Variants in TASP1 observed in about 807,000 individuals in gnomAD.
TASP1 encodes taspase 1.
TASP1 carries 16 observed loss-of-function variants against 56.6 expected under a neutral mutation model. That is an observed-to-expected ratio of 0.28 (90% CI 0.19 to 0.43). The LOEUF (loss-of-function observed/expected upper bound fraction) is 0.43, where lower values mean the gene tolerates loss of function less well. TASP1 is among the 20% of genes least tolerant of loss of function. TASP1 has a pLI of 1.00. For synonymous variants in TASP1, 179 were observed against 184.2 expected, an observed-to-expected ratio of 0.97 and a Z score of 0.23; for missense variants, 393 against 511.6, an observed-to-expected ratio of 0.77 and a Z score of 2.24.
At chr20:13,110,559 A>C in the TASP1 span, among the ~76,000 whole-genome samples, 1 of 151,908 alleles carries the variant, frequency 6.6e-6, no homozygotes. Context: ...AGATCAAAAC[A>C]CTCCTTGCCT....
chr20:13,484,733 C>CAAAAAAAAAAAA (rs34720600), intron 10 of TASP1, among the ~76,000 whole-genome samples: 1 of 81,156 alleles, frequency 1.2e-5, no homozygotes, highest in African/African-American at 4.4e-5. Flanking sequence ...CAAGATTTCT[C>CAAAAAAAAAAAA]AAAAAAAAAA....
At chr20:13,334,169 C>A in the TASP1 span, among the ~76,000 whole-genome samples, 1 of 152,118 alleles carries the variant, frequency 6.6e-6, no homozygotes, top group Non-Finnish European at 1.5e-5. Context: ...ATGGAAGTCA[C>A]AGGTTTGAGG....
intron 4 of TASP1, among the ~76,000 whole-genome samples, chr20:13,598,216 C>T (rs565732279): frequency 2.6e-5 from 4 of 152,270 alleles, no homozygotes; most frequent in African/African-American, 9.6e-5. Context: ...AAAGAGCCTG[C>T]ATTGCCAAGA....
At chr20:13,260,584 C>T in the TASP1 span, among the ~76,000 whole-genome samples, 1 of 150,924 alleles carries the variant, frequency 6.6e-6, no homozygotes, top group African/African-American at 2.4e-5. Context: ...ATGTTTTCAG[C>T]ATTTGGAATA....
the TASP1 span, among the ~76,000 whole-genome samples, chr20:13,330,877 T>C: frequency 6.6e-6 from 1 of 152,172 alleles, no homozygotes; most frequent in Admixed American, 6.5e-5. Flanking sequence ...ATTAGTAATG[T>C]TTGTCTTCTC....
At chr20:13,540,535 C>T (rs1051502736) in intron 8 of TASP1, among the ~76,000 whole-genome samples, 1 of 152,066 alleles carries the variant, frequency 6.6e-6, no homozygotes, top group South Asian at 2.1e-4. Context: ...ATGATATTGT[C>T]AATACTGGAA....
At position 13,627,733 on chromosome 20, in the gene TASP1, T is replaced by TAAAAAAAAAAAAAA. The variant is rs35542097; in HGVS notation, c.145+2187_145+2200dup. Among the ~76,000 whole-genome samples, 46 of 119,480 alleles carry TAAAAAAAAAAAAAA rather than the reference T, an allele frequency of 3.9e-4. 2 individuals carry two copies. Among genetic ancestry groups the TAAAAAAAAAAAAAA allele is most frequent in the African/African-American group, 1.5e-3 (39 of 25,258 alleles). 78.4% of individuals were successfully genotyped at this position (119,480 alleles called of 152,430 possible). ...GGGCAACAAGAGCGAAACTTAGTCT[T>TAAAAAAAAAAAAAA]AAAAAAAAAAAAAAAAGTTGAGCCA... On this transcript the variant is annotated intron_variant, in intron 2 of 13. Transcript: ENST00000337743.
At chr20:13,316,939 A>G in the TASP1 span, among the ~76,000 whole-genome samples, 1 of 151,908 alleles carries the variant, frequency 6.6e-6, no homozygotes, top group African/African-American at 2.4e-5. Context: ...ATCTAATGCA[A>G]TAAGACAAGA....
the TASP1 span, among the ~76,000 whole-genome samples, chr20:13,236,344 G>C: frequency 6.6e-6 from 1 of 152,174 alleles, no homozygotes; most frequent in Non-Finnish European, 1.5e-5. Context: ...CATTGAGTTA[G>C]CATGGGAAAG....
chr20:13,255,267 GA>G, the TASP1 span, among the ~76,000 whole-genome samples: 1 of 151,992 alleles, frequency 6.6e-6, no homozygotes, highest in Non-Finnish European at 1.5e-5. Flanking sequence ...AGAGGAATTT[GA>G]AAAAATGGAT....
intron 7 of TASP1, among the ~76,000 whole-genome samples, chr20:13,560,150 T>C (rs1185775491): frequency 6.6e-6 from 1 of 152,170 alleles, no homozygotes; most frequent in Non-Finnish European, 1.5e-5. Context: ...ATCCAGCTGA[T>C]AAGAGAAATT....
At chr20:13,248,144 C>G in the TASP1 span, among the ~76,000 whole-genome samples, 1 of 152,182 alleles carries the variant, frequency 6.6e-6, no homozygotes, top group African/African-American at 2.4e-5. Flanking sequence ...GTTGTGGCTG[C>G]CCGATTCATA....
At chr20:13,590,562 GA>G (rs577515398) in intron 4 of TASP1, among the ~76,000 whole-genome samples, 23 of 152,078 alleles carry the variant, frequency 1.5e-4, no homozygotes, top group African/African-American at 5.5e-4. Flanking sequence ...AAGAAGGAAA[GA>G]AAACACAACT....
intron 4 of TASP1, among the ~76,000 whole-genome samples, chr20:13,619,858 C>T (rs964375063): frequency 3.9e-5 from 6 of 152,126 alleles, no homozygotes; most frequent in Non-Finnish European, 8.8e-5. Context: ...AGGAATGAAT[C>T]GATTTACCAA....
chr20:13,162,188 A>C, the TASP1 span, among the ~76,000 whole-genome samples: 1 of 152,234 alleles, frequency 6.6e-6, no homozygotes, highest in South Asian at 2.1e-4. Flanking sequence ...GAGCATGTTT[A>C]CACATTAAGG....
At chr20:13,376,285 C>T in the TASP1 span, among the ~76,000 whole-genome samples, 1 of 152,142 alleles carries the variant, frequency 6.6e-6, no homozygotes, top group African/African-American at 2.4e-5. Context: ...TTTCAGTTTT[C>T]TGTATATGAC....
chr20:13,390,410 A>C lies in TASP1; in HGVS notation c.1213T>G (p.Ser405Ala). ...RLPPGAVAGQ[S>A]VAIEGGVCRL... is the part of the protein sequence containing the mutation. ...CACACCCCACCTTCGATTGCCACAG[A>C]CTGTCCTGCCACCGCACCAGGAGGA... The change falls in exon 14 of 14, where the codon TCT becomes GCT. Residue 405 changes from serine (S) to alanine (A), a missense_variant. Ser to Ala is a moderately conservative substitution (Grantham distance 99). Transcript: ENST00000337743. 1.9e-6 allele frequency: 3 copies of C among 1,613,938 alleles called. No homozygotes were observed. Among genetic ancestry groups the C allele is most frequent in the Non-Finnish European group, 1.7e-6 (2 of 1,179,926 alleles).
chr20:13,175,484 A>C, the TASP1 span, among the ~76,000 whole-genome samples: 3 of 152,228 alleles, frequency 2.0e-5, no homozygotes, highest in Admixed American at 6.5e-5. Context: ...AGACTTAGGC[A>C]ACAAAGATAA....
the TASP1 span, chr20:13,110,023 T>A: frequency 9.2e-7 from 1 of 1,082,982 alleles, no homozygotes; most frequent in Non-Finnish European, 1.3e-6. Flanking sequence ...TAGGTCTGAG[T>A]GTGAACATAA....
Sources: gnomAD v4.1 joint callset for allele counts (sites outside exome capture counted in the v4.1 genomes callset) on GRCh38, gnomAD v4.1.1 for gene constraint, MANE v1.5 for transcripts, NCBI Gene and HGNC (gene_info 2026-07-23, HGNC 2026-07-21) for gene names.